DNAH7: variants seen among roughly 807,000 people sequenced by gnomAD.
DNAH7 encodes the protein axonemal beta dynein heavy chain 7.
DNAH7 carries 397 observed loss-of-function variants against 444.6 expected under a neutral mutation model. The ratio of observed to expected loss-of-function variants is 0.89; its 90% CI spans 0.82 to 0.97. DNAH7 has a LOEUF of 0.97. DNAH7 is among the 50% of genes least tolerant of loss of function. The pLI is 0.00. For missense variants in DNAH7, 4,902 were observed against 4,800.8 expected, an observed-to-expected ratio of 1.02 and a Z score of -0.62; for synonymous variants, 1,636 against 1,624.4, an observed-to-expected ratio of 1.01 and a Z score of -0.17.
At chr2:195,879,317 CAA>C (rs1701236435) in intron 36 of DNAH7, among the ~76,000 whole-genome samples, 1 of 151,860 alleles carries the variant, frequency 6.6e-6, no homozygotes, top group South Asian at 2.1e-4. Flanking sequence ...AAAAAGAAAG[CAA>C]AAGAGAAGTA....
intron 23 of DNAH7, 98 bp downstream of exon 23, chr2:195,923,497 A>G: frequency 1.7e-6 from 2 of 1,157,238 alleles, no homozygotes; most frequent in Non-Finnish European, 2.5e-6. Context: ...AAAAGATCTC[A>G]GATTACTGCT....
intron 15 of DNAH7, 78 bp downstream of exon 15, chr2:195,984,554 G>A (rs566400962): frequency 4.5e-5 from 62 of 1,367,168 alleles, no homozygotes; most frequent in Middle Eastern, 2.1e-4. Flanking sequence ...TTAACTTTTC[G>A]AGTGATTTGT....
chr2:196,006,653 A>C (rs547034370), intron 10 of DNAH7, among the ~76,000 whole-genome samples: 111 of 152,208 alleles, frequency 7.3e-4, no homozygotes, highest in African/African-American at 2.3e-3. Context: ...AAAGCCATAA[A>C]GAATCCACAC....
chr2:195,875,677 G>A lies in DNAH7; in HGVS notation c.6284C>T (p.Pro2095Leu). 6.4e-7 allele frequency: 1 copy of A among 1,561,932 alleles called. No individual in the cohort carries two copies. The highest frequency in any genetic ancestry group is 8.7e-7 in the Non-Finnish European group (1 of 1,154,920). ...DIQIMCAMGP[P>L]GGGRNPVTPR... is the part of the protein sequence containing the mutation. ...AATCACAAACTCAAAAAATGTACCT[G>A]GAGGTCCCATAGCACACATGATCTG... The change falls in exon 38 of 65, where the codon CCA becomes CTA. Residue 2095 changes from proline to leucine, a missense_variant and splice_region_variant. Transcript: ENST00000312428.
At chr2:195,870,115 T>C (rs1700586691) in intron 40 of DNAH7, among the ~76,000 whole-genome samples, 1 of 152,180 alleles carries the variant, frequency 6.6e-6, no homozygotes, top group Non-Finnish European at 1.5e-5. Context: ...CTGCCTGCCT[T>C]CCTCTCTTTA....
intron 64 of DNAH7, 110 bp downstream of exon 64, chr2:195,740,644 TACATATACACAC>T (rs71015728): frequency 0.31 from 39,141 of 125,714 alleles, 5,266 homozygotes; most frequent in Non-Finnish European, 0.34. Flanking sequence ...TATATATATA[TACATATACACAC>T]ACACATATGT....
rs866403150 is a variant in DNAH7, at chr2:195,964,639, G to T, written c.2206-3694C>A. On this transcript the variant is annotated intron_variant, in intron 17 of 64. Coordinates refer to ENST00000312428, the MANE Select transcript of DNAH7 (RefSeq NM_018897.3). ...CCCAGCACTTTGGGAGGCCGAGGCA[G>T]GCGGATCACGAGGTCAGGAGTTCGA... 1.9e-4 allele frequency among the ~76,000 whole-genome samples: 29 copies of T among 149,506 alleles called. No individual in the cohort carries two copies. In the Middle Eastern group the frequency reaches 0.01, roughly 53 times the overall value.
intron 46 of DNAH7, among the ~76,000 whole-genome samples, chr2:195,850,484 G>A (rs547428905): frequency 1.3e-5 from 2 of 152,240 alleles, no homozygotes; most frequent in South Asian, 2.1e-4. Flanking sequence ...ATTCTGTTTT[G>A]GAAAATGGCA....
chr2:195,861,687 T>C (rs377574035), intron 42 of DNAH7, 30 bp downstream of exon 42: 2 of 1,508,438 alleles, frequency 1.3e-6, no homozygotes, highest in South Asian at 1.2e-5. Flanking sequence ...TTGCCATAGC[T>C]TACTTAGAAA....
chr2:195,856,130 T>C, intron 44 of DNAH7, 139 bp from the exon 45 acceptor site: 2 of 756,440 alleles, frequency 2.6e-6, no homozygotes, highest in Admixed American at 3.1e-5. Flanking sequence ...TTTCCATATT[T>C]CCTGTTTCAT....
rs200148813 is a variant in DNAH7, at chr2:195,775,798, A to C, written c.11202+48T>G. 6.0e-4 allele frequency: 952 copies of C among 1,583,272 alleles called. 9 individuals are homozygous for C. The highest frequency in any genetic ancestry group is 1.4e-4 in the Non-Finnish European group (162 of 1,164,952). On this transcript the variant is annotated intron_variant, in intron 60 of 64. Transcript: ENST00000312428. The stretch of plus-strand genomic sequence containing the variant: ...TCAGTGCTGGCACACGTGCCTGGGG[A>C]GCATCCTTCCCAGGCCTCAGAATCC...
At chr2:196,053,039 G>GCACA (rs1697577491) in intron 2 of DNAH7, among the ~76,000 whole-genome samples, 3 of 53,170 alleles carry the variant, frequency 5.6e-5, no homozygotes, top group African/African-American at 2.5e-4. Context: ...TCTAGAGGAG[G>GCACA]TACAGTTATT....
Position 195,907,025 on chromosome 2 carries a change from A to G in DNAH7, c.4105-16T>C. On this transcript the variant is annotated splice_polypyrimidine_tract_variant and intron_variant, in intron 25 of 64. Coordinates refer to ENST00000312428, the MANE Select transcript of DNAH7 (RefSeq NM_018897.3). The stretch of plus-strand genomic sequence containing the variant: ...ATAACAGTCCCTATGAGAAAAGAGT[A>G]ATGAAAATTTTTGACTTTATCTGAT... The G allele has an allele frequency of 6.3e-7, 1 of 1,596,792 alleles. No individual in the cohort carries two copies. The highest frequency in any genetic ancestry group is 8.5e-7 in the Non-Finnish European group (1 of 1,171,976).
intron 54 of DNAH7, among the ~76,000 whole-genome samples, chr2:195,806,249 AATTT>A (rs1299520830): frequency 1.3e-5 from 2 of 152,192 alleles, no homozygotes; most frequent in African/African-American, 4.8e-5. Flanking sequence ...CTGGTTATAT[AATTT>A]ATTATTTAAA....
At chr2:195,847,112 GATATCGGATATATAT>G (rs1699044622) in intron 46 of DNAH7, among the ~76,000 whole-genome samples, 1 of 140,756 alleles carries the variant, frequency 7.1e-6, no homozygotes, top group Non-Finnish European at 1.5e-5. Context: ...CAGATGGTGG[GATATCGGATATATAT>G]ATATCTTATA....
chr2:196,040,841 T>C (rs1168264326), intron 5 of DNAH7, among the ~76,000 whole-genome samples: 1 of 152,026 alleles, frequency 6.6e-6, no homozygotes, highest in Non-Finnish European at 1.5e-5. Context: ...CACCCAAAAA[T>C]TGTTAGAACT....
intron 21 of DNAH7, among the ~76,000 whole-genome samples, chr2:195,929,962 C>T (rs1270879284): frequency 6.6e-6 from 1 of 152,206 alleles, no homozygotes; most frequent in African/African-American, 2.4e-5. Context: ...AAAACATTCA[C>T]AAACTATGTA....
chr2:195,847,698 C>G (rs13432703), intron 46 of DNAH7, among the ~76,000 whole-genome samples: 5,729 of 152,004 alleles, frequency 0.038, 156 homozygotes, highest in African/African-American at 0.068. Flanking sequence ...GTTGGGACCA[C>G]CACATTTTTC....
intron 58 of DNAH7, among the ~76,000 whole-genome samples, chr2:195,784,333 A>C (rs940228502): frequency 1.4e-4 from 21 of 152,182 alleles, no homozygotes; most frequent in African/African-American, 4.8e-4. Flanking sequence ...TCAGGATGTC[A>C]TATAGTCGAA....
Sources: allele counts gnomAD v4.1 joint callset (sites outside exome capture counted in the v4.1 genomes callset), GRCh38; gene constraint gnomAD v4.1.1; transcripts MANE v1.5; gene names NCBI Gene and HGNC (gene_info 2026-07-23, HGNC 2026-07-21).